Variants in SLC12A7 observed in about 807,000 individuals in gnomAD.
The protein encoded by SLC12A7 is K-Cl cotransporter 4.
A neutral mutation model predicts 120.6 loss-of-function variants in SLC12A7; 100 were observed. The ratio of observed to expected loss-of-function variants is 0.83; its 90% CI spans 0.71 to 0.98. The LOEUF is 0.98. SLC12A7 is among the 50% of genes least tolerant of loss of function. SLC12A7 has a pLI of 0.00. For synonymous variants in SLC12A7, 760 were observed against 678.0 expected (o/e 1.12, Z -1.88); for missense variants, 1,373 against 1,548.1 (o/e 0.89, Z 1.90).
At chr5:1,134,559 T>C in the SLC12A7 span, among the ~76,000 whole-genome samples, 10 of 151,924 alleles carry the variant, frequency 6.6e-5, no homozygotes, top group African/African-American at 2.4e-4. Flanking sequence ...ACGGGGCCCT[T>C]GTCTTCTACC....
chr5:1,148,195 T>C, the SLC12A7 span, among the ~76,000 whole-genome samples: 1 of 136,044 alleles, frequency 7.4e-6, no homozygotes. Context: ...TGATACTTTT[T>C]TCTTTCTTTC....
intron 1 of SLC12A7, among the ~76,000 whole-genome samples, chr5:1,102,587 G>A (rs1027831550): frequency 6.6e-6 from 1 of 152,206 alleles, no homozygotes; most frequent in Non-Finnish European, 1.5e-5. Flanking sequence ...CAGCGTGGGT[G>A]GTCCGTCCAG....
At chr5:1,109,404 C>G (rs1057339250) in intron 1 of SLC12A7, among the ~76,000 whole-genome samples, 1 of 152,204 alleles carries the variant, frequency 6.6e-6, no homozygotes, top group African/African-American at 2.4e-5. Flanking sequence ...AAAAAACCAC[C>G]CCACTGAGAA....
At chr5:1,113,844 G>A (rs1382386625), upstream of SLC12A7, among the ~76,000 whole-genome samples, 2 of 152,208 alleles carry the variant, frequency 1.3e-5, no homozygotes, top group East Asian at 3.9e-4. Flanking sequence ...CCCAGCAGGG[G>A]CTTCTGTACA....
chr5:1,063,169 G>T (rs74772215), intron 20 of SLC12A7, among the ~76,000 whole-genome samples: 1 of 152,150 alleles, frequency 6.6e-6, no homozygotes, highest in Non-Finnish European at 1.5e-5. Flanking sequence ...CGTGAAGGAC[G>T]GGACGAGTCT....
At chr5:1,154,522 AG>A in the SLC12A7 span, among the ~76,000 whole-genome samples, 1 of 151,978 alleles carries the variant, frequency 6.6e-6, no homozygotes, top group African/African-American at 2.4e-5. Flanking sequence ...CATACCACAC[AG>A]CACACACATA....
intron 1 of SLC12A7, among the ~76,000 whole-genome samples, chr5:1,108,069 G>GC (rs1278373234): frequency 6.7e-6 from 1 of 148,394 alleles, no homozygotes; most frequent in Non-Finnish European, 1.5e-5. Context: ...ACACAGCTGT[G>GC]CAAGAGCACA....
chr5:1,137,002 C>T, the SLC12A7 span, among the ~76,000 whole-genome samples: 1 of 152,094 alleles, frequency 6.6e-6, no homozygotes, highest in South Asian at 2.1e-4. Context: ...CACATGTGCA[C>T]ACACACCAAC....
intron 1 of SLC12A7, among the ~76,000 whole-genome samples, chr5:1,098,213 C>A (rs1741532598): frequency 7.4e-6 from 1 of 134,926 alleles, no homozygotes. Flanking sequence ...CTCTGCACAC[C>A]CAGCCCCCCT....
At chr5:1,060,282 C>G (rs1736046755) in intron 21 of SLC12A7, 62 bp downstream of exon 21, 2 of 1,263,464 alleles carry the variant, frequency 1.6e-6, no homozygotes, top group Non-Finnish European at 2.3e-6. Context: ...CCAGAAAAGA[C>G]TCGGCGAAGT....
chr5:1,150,003 C>T, the SLC12A7 span, among the ~76,000 whole-genome samples: 1 of 152,164 alleles, frequency 6.6e-6, no homozygotes, highest in South Asian at 2.1e-4. Flanking sequence ...GCACTCCAGC[C>T]TGGGCAACGA....
chr5:1,074,896 C>T (rs922408743), intron 15 of SLC12A7, among the ~76,000 whole-genome samples: 2 of 152,148 alleles, frequency 1.3e-5, no homozygotes, highest in Non-Finnish European at 2.9e-5. Flanking sequence ...ACGAGGTCTA[C>T]GTCCAGCATG....
intron 18 of SLC12A7, 144 bp from the exon 19 acceptor site, chr5:1,064,396 C>T: frequency 1.1e-6 from 1 of 884,886 alleles, no homozygotes; most frequent in Non-Finnish European, 1.7e-6. Flanking sequence ...CCGTCAGCTC[C>T]TCCAAGGACC....
the SLC12A7 span, among the ~76,000 whole-genome samples, chr5:1,132,713 G>A: frequency 1.3e-5 from 2 of 152,054 alleles, no homozygotes; most frequent in African/African-American, 4.8e-5. Context: ...GCGTGCTCCG[G>A]CCCCTCCTAA....
chr5:1,085,105 C>A, intron 7 of SLC12A7, 127 bp downstream of exon 7: 1 of 1,340,352 alleles, frequency 7.5e-7, no homozygotes, highest in Non-Finnish European at 1.0e-6. Flanking sequence ...GTTCCCGCCA[C>A]GGTCACACCC....
At chr5:1,068,114 GCTT>G (rs1737252902) in intron 17 of SLC12A7, among the ~76,000 whole-genome samples, 1 of 152,236 alleles carries the variant, frequency 6.6e-6, no homozygotes, top group Admixed American at 6.5e-5. Flanking sequence ...GAAGCTGCAC[GCTT>G]CTTAGAGAAA....
chr5:1,094,291 A>G (rs1740864356), intron 1 of SLC12A7, 43 bp from the exon 2 acceptor site: 4 of 1,477,286 alleles, frequency 2.7e-6, no homozygotes, highest in Admixed American at 1.7e-5. Flanking sequence ...AGAAGGAACT[A>G]AAAGCAAGCA....
intron 1 of SLC12A7, among the ~76,000 whole-genome samples, chr5:1,098,321 C>A (rs533398634): frequency 5.5e-5 from 1 of 18,252 alleles, no homozygotes; most frequent in African/African-American, 2.3e-4. Context: ...TCTGCTCACC[C>A]AGCCCCCCTC....
chr5:1,062,249 G>A (rs1736372725), intron 20 of SLC12A7, among the ~76,000 whole-genome samples: 1 of 152,220 alleles, frequency 6.6e-6, no homozygotes, highest in Admixed American at 6.5e-5. Flanking sequence ...TGGCCCCCTG[G>A]CAGGGCTGGT....
Sources: gnomAD v4.1 joint callset for allele counts (sites outside exome capture counted in the v4.1 genomes callset) on GRCh38, gnomAD v4.1.1 for gene constraint, MANE v1.5 for transcripts, NCBI Gene and HGNC (gene_info 2026-07-23, HGNC 2026-07-21) for gene names.